Variants in NFIB observed in about 807,000 individuals in gnomAD.
NFIB encodes nuclear factor I B.
A neutral mutation model predicts 61.5 loss-of-function variants in NFIB; 11 were observed. The ratio of observed to expected loss-of-function variants is 0.18; its 90% CI spans 0.11 to 0.30. The LOEUF is 0.30. NFIB is among the 10% of genes least tolerant of loss of function. NFIB has a pLI of 1.00. For missense variants in NFIB, 471 were observed against 608.9 expected (o/e 0.77, Z 2.38); for synonymous variants, 260 against 216.5 (o/e 1.20, Z -1.76).
chr9:14,200,523 A>G (rs2048918501), intron 2 of NFIB, among the ~76,000 whole-genome samples: 1 of 151,908 alleles, frequency 6.6e-6, no homozygotes, highest in Admixed American at 6.6e-5. Flanking sequence ...CAAAATTACT[A>G]TTTTTTTTAA....
intron 6 of NFIB, among the ~76,000 whole-genome samples, chr9:14,145,200 C>T (rs139608633): frequency 4.5e-4 from 68 of 152,164 alleles, no homozygotes; most frequent in African/African-American, 1.6e-3. Context: ...CTTGCCATCT[C>T]TATTATTTCC....
intron 2 of NFIB, among the ~76,000 whole-genome samples, chr9:14,279,992 C>T (rs1427102713): frequency 1.3e-5 from 2 of 152,142 alleles, no homozygotes; most frequent in East Asian, 3.9e-4. Flanking sequence ...AGTGCCCATT[C>T]CAATCGTATT....
At position 14,186,979 on chromosome 9, in the gene NFIB, C is replaced by A. The variant is rs1305222782; in HGVS notation, c.563-7199G>T. On this transcript the variant is annotated intron_variant, in intron 2 of 10. Coordinates refer to ENST00000380953, the MANE Select transcript of NFIB (RefSeq NM_001190737.2). ...AATGTTTGGGAAATGGTTTCTCTCT[C>A]TCTCTCCCTCCTTCATTCTTCGCTC... 2.0e-5 allele frequency among the ~76,000 whole-genome samples: 3 copies of A among 151,120 alleles called. No homozygotes were observed. The South Asian group carries it at 6.3e-4, about 32-fold the overall frequency.
At chr9:14,293,609 A>G (rs2059241154) in intron 2 of NFIB, among the ~76,000 whole-genome samples, 1 of 152,206 alleles carries the variant, frequency 6.6e-6, no homozygotes, top group Non-Finnish European at 1.5e-5. Flanking sequence ...GGAGTCTATC[A>G]TTAACTTAGA....
At chr9:14,218,431 A>G (rs758026221) in intron 2 of NFIB, among the ~76,000 whole-genome samples, 15 of 152,244 alleles carry the variant, frequency 9.9e-5, no homozygotes, top group Admixed American at 3.9e-4. Flanking sequence ...GTCTAAGCCA[A>G]CACAGCTTTT....
intron 2 of NFIB, among the ~76,000 whole-genome samples, chr9:14,253,959 A>G (rs1313830802): frequency 1.3e-5 from 2 of 152,088 alleles, no homozygotes; most frequent in East Asian, 1.9e-4. Flanking sequence ...CCTGGTCTAA[A>G]TGCCTCCCCA....
intron 5 of NFIB, among the ~76,000 whole-genome samples, chr9:14,149,382 T>A (rs1321461601): frequency 6.6e-6 from 1 of 152,182 alleles, no homozygotes; most frequent in Non-Finnish European, 1.5e-5. Flanking sequence ...AATTCATGTA[T>A]GCTCTTATAT....
intron 1 of NFIB, among the ~76,000 whole-genome samples, chr9:14,382,907 C>G (rs567892090): frequency 2.6e-5 from 4 of 152,012 alleles, no homozygotes; most frequent in Non-Finnish European, 4.4e-5. Context: ...AAAAACCATC[C>G]TGGTGATACT....
intron 3 of NFIB, among the ~76,000 whole-genome samples, chr9:14,166,819 C>T (rs1554658275): frequency 6.6e-6 from 1 of 152,158 alleles, no homozygotes; most frequent in Non-Finnish European, 1.5e-5. Flanking sequence ...AGTGCTGTTT[C>T]TTACTCCTCC....
At chr9:14,519,145 C>A in the NFIB span, among the ~76,000 whole-genome samples, 1 of 152,082 alleles carries the variant, frequency 6.6e-6, no homozygotes, top group South Asian at 2.1e-4. Flanking sequence ...TTTATAAATT[C>A]TGTGTCCTGG....
chr9:14,372,583 A>G (rs865932093), intron 1 of NFIB, among the ~76,000 whole-genome samples: 6 of 152,138 alleles, frequency 3.9e-5, no homozygotes, highest in Admixed American at 6.5e-5. Flanking sequence ...TAATTACAGT[A>G]AGAGACACTA....
chr9:14,192,635 T>A (rs2048070384), intron 2 of NFIB, among the ~76,000 whole-genome samples: 1 of 152,156 alleles, frequency 6.6e-6, no homozygotes, highest in South Asian at 2.1e-4. Context: ...GCTTTGACAT[T>A]TGTCTCCAAA....
At chr9:14,365,604 C>G (rs985406470) in intron 1 of NFIB, among the ~76,000 whole-genome samples, 1 of 152,216 alleles carries the variant, frequency 6.6e-6, no homozygotes, top group African/African-American at 2.4e-5. Flanking sequence ...ATGAGTTCAT[C>G]TGAAGGAGTT....
At chr9:14,378,978 A>G (rs2132994032) in intron 1 of NFIB, among the ~76,000 whole-genome samples, 1 of 152,318 alleles carries the variant, frequency 6.6e-6, no homozygotes, top group Middle Eastern at 3.4e-3. Flanking sequence ...ATTAACAAAG[A>G]AGAAAGGCAT....
chr9:14,194,645 C>T (rs1207782807), intron 2 of NFIB, among the ~76,000 whole-genome samples: 1 of 151,980 alleles, frequency 6.6e-6, no homozygotes, highest in East Asian at 1.9e-4. Flanking sequence ...AAGAATTATG[C>T]CATAGGAATA....
chr9:14,231,442 G>A (rs2053184963), intron 2 of NFIB, among the ~76,000 whole-genome samples: 1 of 151,910 alleles, frequency 6.6e-6, no homozygotes, highest in South Asian at 2.1e-4. Context: ...CACCAAGCAG[G>A]AAGCCCAATC....
At chr9:14,523,973 G>A in the NFIB span, among the ~76,000 whole-genome samples, 37 of 152,200 alleles carry the variant, frequency 2.4e-4, 1 homozygote, top group South Asian at 5.0e-3. Flanking sequence ...GGAAAAAGAC[G>A]GCATAACAAT....
intron 4 of NFIB, among the ~76,000 whole-genome samples, chr9:14,153,900 AC>A (rs1366242876): frequency 6.6e-6 from 1 of 152,172 alleles, no homozygotes; most frequent in Non-Finnish European, 1.5e-5. Context: ...CCTTTCAGAG[AC>A]ACCTATTTAC....
the NFIB span, among the ~76,000 whole-genome samples, chr9:14,411,317 A>T: frequency 6.6e-6 from 1 of 152,206 alleles, no homozygotes; most frequent in African/African-American, 2.4e-5. Flanking sequence ...ATAATGATAC[A>T]AATCCGGTAC....
Sources: gnomAD v4.1 joint callset for allele counts (sites outside exome capture counted in the v4.1 genomes callset) on GRCh38, gnomAD v4.1.1 for gene constraint, MANE v1.5 for transcripts, NCBI Gene and HGNC (gene_info 2026-07-23, HGNC 2026-07-21) for gene names.